VPS13B: variants seen among roughly 807,000 people sequenced by gnomAD.
VPS13B encodes the protein vacuolar protein sorting 13 homolog B.
A neutral mutation model predicts 426.4 loss-of-function variants in VPS13B; 285 were observed. That is an observed-to-expected ratio of 0.67 (90% CI 0.61 to 0.74). The LOEUF (loss-of-function observed/expected upper bound fraction) is 0.74, where lower values mean the gene tolerates loss of function less well. Ranked by LOEUF, VPS13B falls within the 30% of genes least tolerant of loss-of-function variation. VPS13B has a pLI of 0.00. For missense variants in VPS13B, 4,537 were observed against 4,782.6 expected, an observed-to-expected ratio of 0.95 and a Z score of 1.51; for synonymous variants, 1,676 against 1,676.4, an observed-to-expected ratio of 1.00 and a Z score of 0.01.
intron 19 of VPS13B, among the ~76,000 whole-genome samples, chr8:99,307,148 T>C (rs1429688176): frequency 6.6e-6 from 1 of 152,154 alleles, no homozygotes; most frequent in Non-Finnish European, 1.5e-5. Flanking sequence ...TGTTTTAATC[T>C]CTTGATAGAG....
intron 3 of VPS13B, among the ~76,000 whole-genome samples, chr8:99,076,449 G>T (rs562636514): frequency 5.9e-5 from 9 of 152,196 alleles, no homozygotes; most frequent in Non-Finnish European, 2.9e-5. Context: ...TGCTGAGAGT[G>T]GGGTATTCAA....
chr8:99,799,227 A>G (rs1471099392), intron 43 of VPS13B: 1 of 152,232 alleles, frequency 6.6e-6, no homozygotes, highest in African/African-American at 2.4e-5. Flanking sequence ...ATTTCTCATG[A>G]TAATTCCGGA....
intron 19 of VPS13B, among the ~76,000 whole-genome samples, chr8:99,315,296 G>A (rs1045604450): frequency 2.5e-4 from 38 of 149,658 alleles, no homozygotes; most frequent in African/African-American, 9.3e-4. Context: ...GATGGCCTCT[G>A]TGTCATGCAG....
chr8:99,525,137 G>C (rs911982929), intron 30 of VPS13B, among the ~76,000 whole-genome samples: 1 of 152,118 alleles, frequency 6.6e-6, no homozygotes, highest in African/African-American at 2.4e-5. Context: ...GAAAAACTCA[G>C]AATATTATAA....
intron 35 of VPS13B, among the ~76,000 whole-genome samples, chr8:99,665,442 A>G (rs1415208493): frequency 2.0e-5 from 3 of 152,102 alleles, no homozygotes; most frequent in Admixed American, 6.6e-5. Context: ...TAGGGTTTTT[A>G]TGGTTTTAGA....
At chr8:99,571,236 A>G (rs958931575) in intron 31 of VPS13B, among the ~76,000 whole-genome samples, 1 of 152,154 alleles carries the variant, frequency 6.6e-6, no homozygotes, top group African/African-American at 2.4e-5. Flanking sequence ...CTTCTTTTGA[A>G]TTTTGAAACT....
intron 61 of VPS13B, 125 bp downstream of exon 61, chr8:99,871,822 G>A: frequency 6.5e-7 from 1 of 1,544,628 alleles, no homozygotes; most frequent in African/African-American, 1.4e-5. Context: ...ACCAAGGAGA[G>A]CTGCTACCCA....
intron 19 of VPS13B, among the ~76,000 whole-genome samples, chr8:99,317,362 T>C (rs1485353149): frequency 6.6e-6 from 1 of 152,210 alleles, no homozygotes; most frequent in Non-Finnish European, 1.5e-5. Context: ...ACACTTGTCA[T>C]TTCTTTGTGA....
chr8:99,180,396 TG>T (rs1033715037), intron 16 of VPS13B, among the ~76,000 whole-genome samples: 1 of 152,158 alleles, frequency 6.6e-6, no homozygotes, highest in African/African-American at 2.4e-5. Context: ...GGGAATGCAG[TG>T]GTAAACAAAA....
intron 39 of VPS13B, among the ~76,000 whole-genome samples, chr8:99,741,185 T>C (rs1460914841): frequency 1.3e-5 from 2 of 152,070 alleles, no homozygotes; most frequent in Non-Finnish European, 2.9e-5. Context: ...TAGTCTCTGA[T>C]AAAACAGACT....
chr8:99,571,738 G>T (rs1211713545), intron 31 of VPS13B, among the ~76,000 whole-genome samples: 1 of 152,120 alleles, frequency 6.6e-6, no homozygotes. Flanking sequence ...TATGGAATTT[G>T]AGCTATTAGG....
Position 99,361,082 on chromosome 8 carries a change from C to T in VPS13B, c.2825-23126C>T, listed in dbSNP as rs1812531793. ...GTAACTTTGAAATGTTACCACTTCT[C>T]AATGATCCTCAGTTTCCTAATCTGT... On this transcript the variant is annotated intron_variant, in intron 19 of 61. Coordinates refer to ENST00000357162, the MANE Select transcript of VPS13B (RefSeq NM_152564.5). Among the ~76,000 whole-genome samples, 3 of 152,292 alleles carry T rather than the reference C, an allele frequency of 2.0e-5. No homozygotes were observed. The South Asian group carries it at 6.2e-4, about 32-fold the overall frequency.
chr8:99,435,909 T>C (rs2133422953), intron 22 of VPS13B, among the ~76,000 whole-genome samples: 2 of 152,268 alleles, frequency 1.3e-5, no homozygotes, highest in East Asian at 1.9e-4. Flanking sequence ...ATCTGGAGTT[T>C]AAAAAACAGG....
intron 3 of VPS13B, among the ~76,000 whole-genome samples, chr8:99,081,682 A>C (rs113726647): frequency 1.4e-3 from 215 of 149,848 alleles, no homozygotes; most frequent in African/African-American, 5.0e-3. Context: ...TCATTGTTCA[A>C]TTCCCACCTA....
chr8:99,428,521 A>G (rs2133401496), intron 21 of VPS13B, among the ~76,000 whole-genome samples: 1 of 152,334 alleles, frequency 6.6e-6, no homozygotes, highest in East Asian at 1.9e-4. Flanking sequence ...CAGCCAAAAG[A>G]CACATGAAAA....
intron 25 of VPS13B, among the ~76,000 whole-genome samples, chr8:99,493,399 T>C (rs1343037307): frequency 6.6e-6 from 1 of 152,218 alleles, no homozygotes; most frequent in Non-Finnish European, 1.5e-5. Flanking sequence ...GTTAAAAAAG[T>C]AATCTTAATT....
intron 23 of VPS13B, among the ~76,000 whole-genome samples, chr8:99,450,557 C>CA (rs1187063772): frequency 6.6e-6 from 1 of 151,944 alleles, no homozygotes; most frequent in Non-Finnish European, 1.5e-5. Context: ...TACTAAAATA[C>CA]AAAAAATTAG....
chr8:99,628,259 C>G (rs1034430099), intron 33 of VPS13B, among the ~76,000 whole-genome samples: 9 of 152,188 alleles, frequency 5.9e-5, no homozygotes, highest in African/African-American at 1.2e-4. Flanking sequence ...TTCTTGAATT[C>G]AGTGATTTGC....
At chr8:99,284,896 C>T (rs1405542236) in intron 19 of VPS13B, among the ~76,000 whole-genome samples, 1 of 152,160 alleles carries the variant, frequency 6.6e-6, no homozygotes, top group Non-Finnish European at 1.5e-5. Context: ...TGGAGATACT[C>T]TTATCTGCTT....
Sources: allele counts gnomAD v4.1 joint callset (sites outside exome capture counted in the v4.1 genomes callset), GRCh38; gene constraint gnomAD v4.1.1; transcripts MANE v1.5; gene names NCBI Gene and HGNC (gene_info 2026-07-23, HGNC 2026-07-21).